The following GMEB2 variants were observed in gnomAD, a reference collection of about 807,000 sequenced individuals.
GMEB2 encodes glucocorticoid modulatory element-binding protein 2.
A neutral mutation model predicts 45.7 loss-of-function variants in GMEB2; 7 were observed. That is an observed-to-expected ratio of 0.15 (90% CI 0.09 to 0.29). GMEB2 has a LOEUF of 0.29. GMEB2 is among the 10% of genes least tolerant of loss of function. The pLI, the probability that GMEB2 is intolerant of heterozygous loss-of-function variation, is 1.00. For missense variants in GMEB2, 582 were observed against 739.2 expected (o/e 0.79, Z 2.47); for synonymous variants, 322 against 323.6 (o/e 1.00, Z 0.05).
At chr20:63,602,408 C>A (rs6011920) in intron 4 of GMEB2, among the ~76,000 whole-genome samples, 12,715 of 152,274 alleles carry the variant, frequency 0.084, 701 homozygotes, top group African/African-American at 0.15. Context: ...GATCTCCAGC[C>A]CTGCAAGGCT....
chr20:63,606,994 G>A (rs1277967574), intron 2 of GMEB2, among the ~76,000 whole-genome samples: 1 of 152,154 alleles, frequency 6.6e-6, no homozygotes, highest in Non-Finnish European at 1.5e-5. Flanking sequence ...GAGCTATGAG[G>A]AGGGCACTCC....
chr20:63,600,585 G>T (rs193148865), intron 4 of GMEB2, among the ~76,000 whole-genome samples: 25 of 151,744 alleles, frequency 1.6e-4, no homozygotes, highest in Non-Finnish European at 3.4e-4. Flanking sequence ...AGGCATGGTG[G>T]TGGGTGCCCG....
intron 5 of GMEB2, among the ~76,000 whole-genome samples, chr20:63,596,610 G>A (rs2083202479): frequency 6.6e-6 from 1 of 152,212 alleles, no homozygotes; most frequent in Non-Finnish European, 1.5e-5. Context: ...AAAGGACCCA[G>A]GGCTAGTCAC....
rs1251104201 is a variant in GMEB2 at position 63,619,470 on chromosome 20, C to T, written c.-57-16G>A. On this transcript the variant is annotated splice_polypyrimidine_tract_variant and intron_variant, in intron 1 of 9. Coordinates refer to ENST00000370077, the MANE Select transcript of GMEB2 (RefSeq NM_012384.5). This position sits in a 1 kb window ranked among gnomAD's most constrained non-coding sequence, Gnocchi z 4.6. The stretch of plus-strand genomic sequence containing the variant: ...GTCCCAAGTCCTGGAGGAAGCAAGG[C>T]AGGGCACAGGGATGGAGTCATCTCC... The T allele has an allele frequency of 2.0e-6, 3 of 1,493,116 alleles. No homozygotes were observed. Among genetic ancestry groups the T allele is most frequent in the Non-Finnish European group, 2.7e-6 (3 of 1,095,796 alleles). The allele number at this position is 1,493,116 out of a possible 1,614,324, so 92.5% of individuals were successfully genotyped here. A position where few individuals can be genotyped will look rare whatever the true frequency, so the allele number is the denominator to read the frequency against.
At chr20:63,600,573 C>T (rs1312138732) in intron 4 of GMEB2, among the ~76,000 whole-genome samples, 2 of 151,570 alleles carry the variant, frequency 1.3e-5, no homozygotes, top group African/African-American at 4.8e-5. Context: ...CAAAAATCAG[C>T]CAGGCATGGT....
At chr20:63,601,376 G>A (rs149139667) in intron 4 of GMEB2, among the ~76,000 whole-genome samples, 35 of 152,164 alleles carry the variant, frequency 2.3e-4, no homozygotes, top group African/African-American at 5.8e-4. Flanking sequence ...TTTGACTCTC[G>A]TGCTTCCTGA....
At chr20:63,614,551 G>A (rs983985229) in intron 2 of GMEB2, among the ~76,000 whole-genome samples, 4 of 152,172 alleles carry the variant, frequency 2.6e-5, no homozygotes, top group Non-Finnish European at 5.9e-5. Context: ...GTTTAGAGAA[G>A]ACTCTACTCC....
intron 4 of GMEB2, among the ~76,000 whole-genome samples, chr20:63,599,969 T>C (rs2083229900): frequency 1.3e-5 from 2 of 152,292 alleles, no homozygotes; most frequent in Admixed American, 1.3e-4. Flanking sequence ...AAATTATCAT[T>C]CATACATTAT....
At chr20:63,615,615 C>A (rs2089602940) in intron 2 of GMEB2, among the ~76,000 whole-genome samples, 1 of 152,172 alleles carries the variant, frequency 6.6e-6, no homozygotes, top group Admixed American at 6.6e-5. Context: ...CAGGAGCCAC[C>A]AGGCCTGGCC....
At position 63,624,731 on chromosome 20, in the gene GMEB2, G is replaced by A. The variant is rs528671940; in HGVS notation, c.-58+2225C>T. Among the ~76,000 whole-genome samples the A allele has an allele frequency of 3.3e-5, 5 of 152,158 alleles. No individual in the cohort carries two copies. In the South Asian group the frequency reaches 8.3e-4, roughly 25 times the overall value. On this transcript the variant is annotated intron_variant, in intron 1 of 9. Transcript: ENST00000370077. ...CATACATATATTCTTTTTTTGAGAC[G>A]GAGTCTCGCTCTGTAGCCCAGGTTG... is the stretch of plus-strand genomic sequence containing the variant.
At chr20:63,603,697 G>A (rs6011922) in intron 3 of GMEB2, among the ~76,000 whole-genome samples, 32,028 of 151,498 alleles carry the variant, frequency 0.21, 5,068 homozygotes, top group East Asian at 0.41. Flanking sequence ...AGTCGAGATC[G>A]CGCCACCGCA....
chr20:63,590,779 C>A lies in GMEB2; in HGVS notation c.953-50G>T, dbSNP rs367661637. Reference sequence around the variant, plus strand: ...ACACAGGGGACGGGGGCATGGATGGCGGCATGCAGGGGATGGGGGCAGACA... The same window carrying A: ...ACACAGGGGACGGGGGCATGGATGGAGGCATGCAGGGGATGGGGGCAGACA... On this transcript the variant is annotated intron_variant, in intron 9 of 9. Transcript: ENST00000370077. The A allele has an allele frequency of 2.7e-5, 33 of 1,209,554 alleles. No homozygotes were observed. The Admixed American group carries it at 8.7e-4, about 32-fold the overall frequency. The allele number at this position is 1,209,554 out of a possible 1,614,324, so 74.9% of individuals were successfully genotyped here.
At chr20:63,609,459 A>G (rs2089551061) in intron 2 of GMEB2, among the ~76,000 whole-genome samples, 1 of 69,548 alleles carries the variant, frequency 1.4e-5, no homozygotes. Context: ...CCCCACATCC[A>G]TTTCTAGAAA....
At chr20:63,613,521 CTTTT>C (rs11481490) in intron 2 of GMEB2, among the ~76,000 whole-genome samples, 4 of 139,538 alleles carry the variant, frequency 2.9e-5, no homozygotes, top group African/African-American at 7.9e-5. Context: ...TTTTTGTTTT[CTTTT>C]TTTTTTTTTT....
intron 4 of GMEB2, among the ~76,000 whole-genome samples, chr20:63,599,239 G>A (rs572553190): frequency 2.2e-4 from 34 of 152,104 alleles, no homozygotes; most frequent in African/African-American, 6.8e-4. Context: ...AACTCGGCCC[G>A]CTCCTGACCC....
Position 63,588,495 on chromosome 20 carries a change from G to A in GMEB2, c.*1594C>T, listed in dbSNP as rs1337426357. 1.6e-5 allele frequency: 6 copies of A among 365,212 alleles called. No homozygotes were observed. Among genetic ancestry groups the A allele is most frequent in the Admixed American group, 9.3e-5 (2 of 21,568 alleles). The allele number at this position is 365,212 out of a possible 1,614,324, so 22.6% of individuals were successfully genotyped here. A position where few individuals can be genotyped will look rare whatever the true frequency, so the allele number is the denominator to read the frequency against. ...ATGTACATCAAAAGATCAACATCAC[G>A]CCGAAACCAGCTGACTGTGACAACA... On this transcript the variant is annotated 3_prime_UTR_variant, in exon 10 of 10. Coordinates refer to ENST00000370077, the MANE Select transcript of GMEB2 (RefSeq NM_012384.5).
chr20:63,601,018 A>G (rs1190759745), intron 4 of GMEB2, among the ~76,000 whole-genome samples: 2 of 152,186 alleles, frequency 1.3e-5, no homozygotes, highest in Non-Finnish European at 2.9e-5. Flanking sequence ...TACGTCTGCA[A>G]TGGCTGCATG....
chr20:63,597,866 G>A lies in GMEB2; in HGVS notation c.358-6C>T. Reference sequence around the variant, plus strand: ...CTGATTACATGCTCGTCGTACTGTGGGGGACACAGTCATGTGGGTCAAGCT... The same window carrying A: ...CTGATTACATGCTCGTCGTACTGTGAGGGACACAGTCATGTGGGTCAAGCT... On this transcript the variant is annotated splice_polypyrimidine_tract_variant and splice_region_variant and intron_variant, in intron 4 of 9. Transcript: ENST00000370077. 1.3e-6 allele frequency: 2 copies of A among 1,525,380 alleles called. No individual in the cohort carries two copies. Among genetic ancestry groups the A allele is most frequent in the Non-Finnish European group, 1.8e-6 (2 of 1,099,176 alleles). The allele number at this position is 1,525,380 out of a possible 1,614,324, so 94.5% of individuals were successfully genotyped here. A position where few individuals can be genotyped will look rare whatever the true frequency, so the allele number is the denominator to read the frequency against.
rs935319770 is a variant in GMEB2, at chr20:63,587,753, T to C, written c.*2336A>G. On this transcript the variant is annotated 3_prime_UTR_variant, in exon 10 of 10. Transcript: ENST00000370077. Reference sequence around the variant, plus strand: ...CCCTCTGCAAAATCCAATCCAATCCTATCTTCTCAGAAAACCAAACCAAAG... The same window carrying C: ...CCCTCTGCAAAATCCAATCCAATCCCATCTTCTCAGAAAACCAAACCAAAG... The C allele has an allele frequency of 6.6e-6, 1 of 152,414 alleles. No homozygotes were observed. The highest frequency in any genetic ancestry group is 1.5e-5 in the Non-Finnish European group (1 of 68,084). 9.4% of individuals were successfully genotyped at this position (152,414 alleles called of 1,614,324 possible). A position where few individuals can be genotyped will look rare whatever the true frequency, so the allele number is the denominator to read the frequency against.
Sources: allele counts gnomAD v4.1 joint callset (sites outside exome capture counted in the v4.1 genomes callset), GRCh38; gene constraint gnomAD v4.1.1; non-coding constraint Gnocchi (gnomAD v3.1); transcripts MANE v1.5; gene names NCBI Gene and HGNC (gene_info 2026-07-23, HGNC 2026-07-21).